The following GCN1 variants were observed in gnomAD, a reference collection of about 807,000 sequenced individuals.
GCN1 encodes GCN1 activator of EIF2AK4.
A neutral mutation model predicts 288.4 loss-of-function variants in GCN1; 90 were observed. That is an observed-to-expected ratio of 0.31 (90% CI 0.26 to 0.37). The LOEUF is 0.37. Among genes scored for constraint, GCN1 ranks in the 10% least tolerant of loss-of-function variants. The pLI, the probability that GCN1 is intolerant of heterozygous loss-of-function variation, is 1.00. For synonymous variants in GCN1, 1,386 were observed against 1,420.2 expected (o/e 0.98, Z 0.54); for missense variants, 2,586 against 3,419.9 (o/e 0.76, Z 6.08).
rs114321119 is a variant in GCN1 at position 120,172,801 on chromosome 12, G to A, written c.1366+852C>T. On this transcript the variant is annotated intron_variant, in intron 14 of 57. Transcript: ENST00000300648. Reference sequence around the variant, plus strand: ...TGGTAGGCGTGAGCCACTGTGCCCAGCCTCTCCTAGATGCTTCTTTAAATA... The same window carrying A: ...TGGTAGGCGTGAGCCACTGTGCCCAACCTCTCCTAGATGCTTCTTTAAATA... Among the ~76,000 whole-genome samples, 1,354 of 152,180 alleles carry A rather than the reference G, an allele frequency of 8.9e-3. 25 individuals carry two copies. Among genetic ancestry groups the A allele is most frequent in the African/African-American group, 0.031 (1,300 of 41,526 alleles).
At chr12:120,161,282 C>T (rs1053667229) in intron 22 of GCN1, among the ~76,000 whole-genome samples, 6 of 152,112 alleles carry the variant, frequency 3.9e-5, no homozygotes, top group African/African-American at 1.4e-4. Context: ...AGAAAGAAAC[C>T]GGTTTTGAGT....
chr12:120,172,770 A>G (rs893569900), intron 14 of GCN1, among the ~76,000 whole-genome samples: 1 of 152,090 alleles, frequency 6.6e-6, no homozygotes, highest in South Asian at 2.1e-4. Context: ...CGGCCTCCCA[A>G]AGTGCTGGTA....
chr12:120,148,089 G>T, intron 37 of GCN1, 78 bp downstream of exon 37: 3 of 1,017,530 alleles, frequency 2.9e-6, no homozygotes, highest in Non-Finnish European at 4.4e-6. Context: ...AGCTGAATGG[G>T]TGCAAGTTCC....
intron 2 of GCN1, among the ~76,000 whole-genome samples, chr12:120,185,599 C>T (rs1413197508): frequency 6.6e-6 from 1 of 151,942 alleles, no homozygotes; most frequent in Non-Finnish European, 1.5e-5. Context: ...GTTATTAAGG[C>T]CCCCCCGCCT....
Position 120,177,487 on chromosome 12 carries a change from T to G in GCN1, c.798A>C (p.Ile266=). 1.2e-6 allele frequency: 2 copies of G among 1,608,310 alleles called. No homozygotes were observed. The highest frequency in any genetic ancestry group is 8.5e-7 in the Non-Finnish European group (1 of 1,174,756). The change falls in exon 9 of 58, where the codon ATA becomes ATC. Residue 266 remains isoleucine, a synonymous_variant. Transcript: ENST00000300648. The part of the protein sequence containing the change: ...SEFKDLILPT[I]QKSLLRSPEN... ...CTGGACTCCTCAGTAAGGACTTCTGTATGGTGGGCAGTATCAGATCCTTAA... is the reference window on the plus strand; with the variant it reads ...CTGGACTCCTCAGTAAGGACTTCTGGATGGTGGGCAGTATCAGATCCTTAA...
At chr12:120,182,916 C>T (rs1232370079) in intron 5 of GCN1, among the ~76,000 whole-genome samples, 1 of 137,190 alleles carries the variant, frequency 7.3e-6, no homozygotes, top group East Asian at 2.4e-4. Context: ...GCCTGAGCAA[C>T]AGAGCAAGAC....
In GCN1 at chr12:120,175,153, A is replaced by G; in HGVS notation, c.1093+9T>C. Reference sequence around the variant, plus strand: ...AAAAAAAAAAAAAAAAAAAAAAGAAATCCTATACCTGAGAGGACGCTCATC... The same window carrying G: ...AAAAAAAAAAAAAAAAAAAAAAGAAGTCCTATACCTGAGAGGACGCTCATC... On this transcript the variant is annotated intron_variant, in intron 12 of 57. Transcript: ENST00000300648. 1 of 1,567,304 alleles carries G rather than the reference A, an allele frequency of 6.4e-7. No homozygotes were observed.
In GCN1 at chr12:120,163,080, G is replaced by A. The variant is rs1291213850; in HGVS notation, c.2028C>T (p.His676=). 6.2e-7 allele frequency: 1 copy of A among 1,614,188 alleles called. No individual in the cohort carries two copies. Among genetic ancestry groups the A allele is most frequent in the Admixed American group, 1.7e-5 (1 of 60,030 alleles). The change falls in exon 19 of 58, where the codon CAC becomes CAT. Residue 676 remains histidine, a synonymous_variant. Transcript: ENST00000300648. Reference sequence around the variant, plus strand: ...ACCGCAGCCACGGACCTAAGGATGGGTGGTGGGAGATGATCAGCATTTCCT... The same window carrying A: ...ACCGCAGCCACGGACCTAAGGATGGATGGTGGGAGATGATCAGCATTTCCT... ...LAQEMLIISH[H]PSLVAVQSGL...
At chr12:120,187,860 G>A (rs1393184014) in intron 2 of GCN1, among the ~76,000 whole-genome samples, 2 of 147,242 alleles carry the variant, frequency 1.4e-5, no homozygotes, top group Non-Finnish European at 3.0e-5. Flanking sequence ...AATGCTATAC[G>A]GTAAAAACAA....
At chr12:120,178,601 C>T (rs2139134485) in intron 7 of GCN1, 24 bp downstream of exon 7, 2 of 1,613,762 alleles carry the variant, frequency 1.2e-6, no homozygotes, top group South Asian at 1.1e-5. Flanking sequence ...AGCAAACCCA[C>T]AGTCACTCTG....
intron 1 of GCN1, among the ~76,000 whole-genome samples, chr12:120,191,402 T>C (rs1878999614): frequency 6.6e-6 from 1 of 152,256 alleles, no homozygotes; most frequent in South Asian, 2.1e-4. Flanking sequence ...CCTGAAAATC[T>C]GCTCTTGAGC....
Position 120,149,970 on chromosome 12 carries a change from C to T in GCN1, c.4383G>A (p.Leu1461=), listed in dbSNP as rs1192045176. 6.2e-7 allele frequency: 1 copy of T among 1,614,042 alleles called. No individual in the cohort carries two copies. The highest frequency in any genetic ancestry group is 1.1e-5 in the South Asian group (1 of 91,086). The change falls in exon 35 of 58, where the codon CTG becomes CTA. Residue 1461 remains leucine (L), a synonymous_variant. Coordinates refer to ENST00000300648, the MANE Select transcript of GCN1 (RefSeq NM_006836.2). ...KLFEPYVVHV[L]PHLLLCFGDG... ...CCCCAAAGCACAGGAGCAGATGGGG[C>T]AGCACGTGAACCACATACGGCTCAA...
chr12:120,156,977 G>A lies in GCN1; in HGVS notation c.3103C>T (p.Leu1035=). Residue 1035 remains leucine (L), a synonymous_variant, in exon 27 of 58, where the codon CTG becomes TTG. Transcript: ENST00000300648. This position sits in a 1 kb window ranked among gnomAD's most constrained non-coding sequence, Gnocchi z 5.8. ...GRVDENGPEL[L]PRVAMLRLLT... ...AGACGCAGCATGGCCACGCGAGGCAGCAACTCCGGGCCATTCTAGGAGAGA... is the reference window on the plus strand; with the variant it reads ...AGACGCAGCATGGCCACGCGAGGCAACAACTCCGGGCCATTCTAGGAGAGA... The A allele has an allele frequency of 6.2e-7, 1 of 1,612,070 alleles. No individual in the cohort carries two copies. Among genetic ancestry groups the A allele is most frequent in the Non-Finnish European group, 8.5e-7 (1 of 1,178,228 alleles).
In GCN1 at chr12:120,151,270, T is replaced by G; in HGVS notation, c.4184A>C (p.Lys1395Thr). ...GCCCGCCAGGCCATAGGCGGCCCCTTTGCGCTCTGCGTACTTGTCTGACTC... is the reference window on the plus strand; with the variant it reads ...GCCCGCCAGGCCATAGGCGGCCCCTGTGCGCTCTGCGTACTTGTCTGACTC... The part of the protein sequence containing the change: ...LLESDKYAER[K>T]GAAYGLAGLV... The change falls in exon 34 of 58, where the codon AAA becomes ACA. Residue 1395 changes from lysine to threonine, a missense_variant. Physicochemically the swap from Lys to Thr is moderately conservative, Grantham distance 78. This residue lies in a region of GCN1 where 332 missense variants were observed against 403.0 expected (regional missense o/e 0.82). Transcript: ENST00000300648. The G allele has an allele frequency of 6.2e-7, 1 of 1,614,148 alleles. No individual in the cohort carries two copies. Among genetic ancestry groups the G allele is most frequent in the South Asian group, 1.1e-5 (1 of 91,086 alleles).
rs932175232 is a variant in GCN1, at chr12:120,158,588, C to T, written c.2777G>A (p.Arg926His). ...LGTLVSHVTLRLLKPECVLDK... is the reference protein window; with the variant it reads ...LGTLVSHVTLHLLKPECVLDK... ...CAGGACACACTCTGGCTTCAGCAGG[C>T]GCAGGGTCACGTGGCTCACCAAAGT... The change falls in exon 25 of 58, where the codon CGC (arginine) becomes CAC (histidine). Residue 926 changes from arginine to histidine, a missense_variant. Coordinates refer to ENST00000300648, the MANE Select transcript of GCN1 (RefSeq NM_006836.2). This position sits in a 1 kb window ranked among gnomAD's most constrained non-coding sequence, Gnocchi z 4.3. 3 of 1,608,126 alleles carry T rather than the reference C, an allele frequency of 1.9e-6. No individual in the cohort carries two copies. The highest frequency in any genetic ancestry group is 2.5e-6 in the Non-Finnish European group (3 of 1,177,324).
Position 120,159,911 on chromosome 12 carries a change from A to G in GCN1, c.2663T>C (p.Leu888Pro), listed in dbSNP as rs193137847. 3.1e-6 allele frequency: 5 copies of G among 1,614,170 alleles called. No individual in the cohort carries two copies. The highest frequency in any genetic ancestry group is 4.2e-6 in the Non-Finnish European group (5 of 1,179,994). The change falls in exon 24 of 58, where the codon CTG becomes CCG. Residue 888 changes from leucine (L) to proline (P), a missense_variant. Leu to Pro is a moderately conservative substitution (Grantham distance 98). Coordinates refer to ENST00000300648, the MANE Select transcript of GCN1 (RefSeq NM_006836.2). ...PVLVDSFLPL[L>P]KSPLAAPRIK... ...CCTGGGAGCAGCCAGGGGAGACTTCAGCAAGGGCAGAAAAGAGTCGACCAA... is the reference window on the plus strand; with the variant it reads ...CCTGGGAGCAGCCAGGGGAGACTTCGGCAAGGGCAGAAAAGAGTCGACCAA...
Position 120,158,495 on chromosome 12 carries a change from T to C in GCN1, c.2870A>G (p.His957Arg). The C allele has an allele frequency of 6.4e-7, 1 of 1,562,504 alleles. No homozygotes were observed. Among genetic ancestry groups the C allele is most frequent in the Non-Finnish European group, 8.7e-7 (1 of 1,152,982 alleles). The change falls in exon 25 of 58, where the codon CAC (histidine) becomes CGC (arginine). Residue 957 changes from histidine to arginine, a missense_variant. His to Arg is a conservative substitution (Grantham distance 29, BLOSUM62 0). Coordinates refer to ENST00000300648, the MANE Select transcript of GCN1 (RefSeq NM_006836.2). This position sits in a 1 kb window ranked among gnomAD's most constrained non-coding sequence, Gnocchi z 4.3. ...VKRAVMLLHT[H>R]TITSRVGKGE... is the part of the protein sequence containing the mutation. Reference sequence around the variant, plus strand: ...CTTGCCCACCCTGCTGGTGATGGTGTGGGTGTGCAGCAGCATCACCGCCCT... The same window carrying C: ...CTTGCCCACCCTGCTGGTGATGGTGCGGGTGTGCAGCAGCATCACCGCCCT...
chr12:120,184,845 C>G lies in GCN1; in HGVS notation c.164G>C (p.Cys55Ser). The G allele has an allele frequency of 3.7e-6, 6 of 1,612,352 alleles. No individual in the cohort carries two copies. The highest frequency in any genetic ancestry group is 5.1e-6 in the Non-Finnish European group (6 of 1,178,596). Residue 55 changes from cysteine (C) to serine (S), a missense_variant, in exon 3 of 58, where the codon TGC becomes TCC. Cys to Ser is a moderately radical substitution (Grantham distance 112). This residue lies in a region of GCN1 where 913 missense variants were observed against 1,107.0 expected (regional missense o/e 0.82). Transcript: ENST00000300648. ...GAVKGLCKLF[C>S]LTLHRYRDAA... ...TCACCTATATCGATGCAGAGTCAAG[C>G]AGAACAATTTGCAGAGCCCCTTCAC...
At position 120,137,159 on chromosome 12, in the gene GCN1, A is replaced by C. The variant is rs760191989; in HGVS notation, c.6777+47T>G. 5 of 1,381,952 alleles carry C rather than the reference A, an allele frequency of 3.6e-6. No individual in the cohort carries two copies. The African/African-American group carries it at 7.1e-5, about 20-fold the overall frequency. The allele number at this position is 1,381,952 out of a possible 1,614,324, so 85.6% of individuals were successfully genotyped here. A position where few individuals can be genotyped will look rare whatever the true frequency, so the allele number is the denominator to read the frequency against. ...GGACAGGGGTAAGGGCCAGAAGGGC[A>C]CAACAGACTGCACGCCCACAGCCCC... On this transcript the variant is annotated intron_variant, in intron 50 of 57. Transcript: ENST00000300648. This position sits in a 1 kb window ranked among gnomAD's most constrained non-coding sequence, Gnocchi z 5.2.
Sources: allele counts gnomAD v4.1 joint callset (sites outside exome capture counted in the v4.1 genomes callset), GRCh38; gene constraint gnomAD v4.1.1; regional missense constraint gnomAD v4.1.1; non-coding constraint Gnocchi (gnomAD v3.1); transcripts MANE v1.5; gene names NCBI Gene and HGNC (gene_info 2026-07-23, HGNC 2026-07-21).